The following KHDRBS2 variants were observed in gnomAD, a reference collection of about 807,000 sequenced individuals.
The protein encoded by KHDRBS2 is KH domain-containing, RNA-binding, signal transduction-associated protein 2.
Under a neutral mutation model 44.3 loss-of-function variants are expected in KHDRBS2, and 26 were observed. That is an observed-to-expected ratio of 0.59 (90% confidence interval 0.43 to 0.81). KHDRBS2 has a LOEUF of 0.81. Among genes scored for constraint, KHDRBS2 ranks in the 40% least tolerant of loss-of-function variants. KHDRBS2 has a pLI of 0.00. For synonymous variants in KHDRBS2, 194 were observed against 151.1 expected (o/e 1.28, Z -2.08); for missense variants, 476 against 433.1 (o/e 1.10, Z -0.88).
At chr6:62,090,010 T>A (rs964535106) in intron 2 of KHDRBS2, among the ~76,000 whole-genome samples, 5 of 152,132 alleles carry the variant, frequency 3.3e-5, no homozygotes, top group Admixed American at 2.6e-4. Context: ...GATTCTCACA[T>A]GACAGTGGTG....
chr6:61,825,331 T>A (rs1341469818), intron 6 of KHDRBS2, among the ~76,000 whole-genome samples: 2 of 152,124 alleles, frequency 1.3e-5, no homozygotes, highest in Non-Finnish European at 2.9e-5. Flanking sequence ...ATATTCTGAG[T>A]CCTTGGGATT....
intron 6 of KHDRBS2, among the ~76,000 whole-genome samples, chr6:61,806,414 A>C (rs1787171540): frequency 6.6e-6 from 1 of 152,284 alleles, no homozygotes; most frequent in East Asian, 1.9e-4. Context: ...GGAAGCTACC[A>C]GTTGCTACAG....
chr6:62,106,793 C>A (rs1803474508), intron 2 of KHDRBS2, among the ~76,000 whole-genome samples: 1 of 152,122 alleles, frequency 6.6e-6, no homozygotes, highest in African/African-American at 2.4e-5. Context: ...TCAGTATACA[C>A]AAATCAATAA....
intron 3 of KHDRBS2, among the ~76,000 whole-genome samples, chr6:62,027,204 G>T (rs1783522310): frequency 1.3e-5 from 2 of 152,120 alleles, no homozygotes; most frequent in South Asian, 4.1e-4. Context: ...TTTGTGGGGA[G>T]AGTGTGTTGA....
intron 5 of KHDRBS2, among the ~76,000 whole-genome samples, chr6:61,898,180 A>G (rs1004172533): frequency 3.9e-5 from 6 of 152,166 alleles, no homozygotes; most frequent in African/African-American, 1.4e-4. Context: ...TAAAGTAATA[A>G]TTTCATAACA....
At chr6:62,153,205 CCTA>C (rs1463916428) in intron 2 of KHDRBS2, among the ~76,000 whole-genome samples, 1 of 152,162 alleles carries the variant, frequency 6.6e-6, no homozygotes. Flanking sequence ...TAGGGAATAG[CCTA>C]CTTAGTATTT....
At chr6:61,826,806 A>T (rs556311096) in intron 6 of KHDRBS2, among the ~76,000 whole-genome samples, 1 of 152,238 alleles carries the variant, frequency 6.6e-6, no homozygotes, top group Admixed American at 6.5e-5. Context: ...AACCCTTACC[A>T]TAAAATTTGG....
chr6:61,992,972 G>A (rs1776418400), intron 3 of KHDRBS2, among the ~76,000 whole-genome samples: 1 of 152,198 alleles, frequency 6.6e-6, no homozygotes, highest in South Asian at 2.1e-4. Flanking sequence ...GAGGAAAGGT[G>A]TACTGGTGCC....
chr6:62,064,114 T>C (rs10944987), intron 2 of KHDRBS2, among the ~76,000 whole-genome samples: 18,311 of 38,858 alleles, frequency 0.47, 6,740 homozygotes, highest in Non-Finnish European at 0.51. Flanking sequence ...CAAACCACTG[T>C]TCAAGGAAAT....
At chr6:61,847,688 T>C (rs979461684) in intron 6 of KHDRBS2, among the ~76,000 whole-genome samples, 1 of 152,120 alleles carries the variant, frequency 6.6e-6, no homozygotes, top group African/African-American at 2.4e-5. Flanking sequence ...ATCTGCATCA[T>C]ATTTTGGTTT....
At chr6:61,873,001 C>T (rs1230015266) in intron 6 of KHDRBS2, among the ~76,000 whole-genome samples, 1 of 152,062 alleles carries the variant, frequency 6.6e-6, no homozygotes, top group African/African-American at 2.4e-5. Flanking sequence ...ACCTAAATAT[C>T]TTCACATACC....
At chr6:62,022,664 G>T (rs1782561551) in intron 3 of KHDRBS2, among the ~76,000 whole-genome samples, 1 of 151,114 alleles carries the variant, frequency 6.6e-6, no homozygotes, top group Non-Finnish European at 1.5e-5. Context: ...CTCCCTCTTT[G>T]GGCTATTATC....
In KHDRBS2 at chr6:62,262,653, T is replaced by G. The variant is rs1432241454; in HGVS notation, c.91+23205A>C. ...TATCTGAAATTCTGATAAATTTTTT[T>G]GGGGGGTTAGTGGACTTATTTTTAG... On this transcript the variant is annotated intron_variant, in intron 1 of 8. Transcript: ENST00000281156. 2.6e-5 allele frequency among the ~76,000 whole-genome samples: 4 copies of G among 151,676 alleles called. No homozygotes were observed. The East Asian group carries it at 5.8e-4, about 22-fold the overall frequency.
intron 8 of KHDRBS2, among the ~76,000 whole-genome samples, chr6:61,692,297 C>T (rs1767458288): frequency 6.6e-6 from 1 of 151,842 alleles, no homozygotes; most frequent in Non-Finnish European, 1.5e-5. Flanking sequence ...AAAACAAATT[C>T]AAGTGATGAG....
chr6:62,215,998 G>T (rs1448156911), intron 1 of KHDRBS2, among the ~76,000 whole-genome samples: 1 of 151,488 alleles, frequency 6.6e-6, no homozygotes, highest in African/African-American at 2.4e-5. Context: ...CCTATAAAAA[G>T]AAATATTTCT....
chr6:61,634,437 C>T, the KHDRBS2 span, among the ~76,000 whole-genome samples: 1 of 151,966 alleles, frequency 6.6e-6, no homozygotes, highest in Admixed American at 6.6e-5. Context: ...GGATGGATTT[C>T]AATTCTCTGG....
chr6:62,068,773 T>A (rs1226262508), intron 2 of KHDRBS2, among the ~76,000 whole-genome samples: 1 of 151,656 alleles, frequency 6.6e-6, no homozygotes, highest in Non-Finnish European at 1.5e-5. Context: ...TATTGAATGA[T>A]CTTGGCATTA....
At chr6:61,817,599 A>G (rs1216161805) in intron 6 of KHDRBS2, among the ~76,000 whole-genome samples, 1 of 152,084 alleles carries the variant, frequency 6.6e-6, no homozygotes, top group Non-Finnish European at 1.5e-5. Flanking sequence ...GATTTTGGAG[A>G]GAATTTTTAG....
At chr6:61,944,075 A>G (rs1457143416) in intron 4 of KHDRBS2, among the ~76,000 whole-genome samples, 1 of 152,174 alleles carries the variant, frequency 6.6e-6, no homozygotes, top group Non-Finnish European at 1.5e-5. Flanking sequence ...TAGGAATGTA[A>G]ATTAGTACAA....
Sources: allele counts gnomAD v4.1 joint callset (sites outside exome capture counted in the v4.1 genomes callset), GRCh38; gene constraint gnomAD v4.1.1; transcripts MANE v1.5; gene names NCBI Gene and HGNC (gene_info 2026-07-23, HGNC 2026-07-21).